Variants in GRB10 observed in about 807,000 individuals in gnomAD.
GRB10 encodes growth factor receptor bound protein 10.
Under a neutral mutation model 80.9 loss-of-function variants are expected in GRB10, and 20 were observed. The observed-to-expected ratio is 0.25, with a 90% confidence interval of 0.17 to 0.36. GRB10 has a LOEUF of 0.36. Ranked by LOEUF, GRB10 falls within the 10% of genes least tolerant of loss-of-function variation. The pLI, the probability that GRB10 is intolerant of heterozygous loss-of-function variation, is 1.00. For synonymous variants in GRB10, 291 were observed against 291.5 expected, an observed-to-expected ratio of 1.00 and a Z score of 0.02; for missense variants, 548 against 747.7, an observed-to-expected ratio of 0.73 and a Z score of 3.12.
At chr7:50,779,741 T>C (rs923169403) in intron 2 of GRB10, 5 of 152,304 alleles carry the variant, frequency 3.3e-5, no homozygotes, top group African/African-American at 9.6e-5. Flanking sequence ...CCACCAGGAC[T>C]ACCTTGACAA....
intron 7 of GRB10, among the ~76,000 whole-genome samples, chr7:50,655,011 A>T (rs2058484948): frequency 6.6e-6 from 1 of 152,214 alleles, no homozygotes; most frequent in Admixed American, 6.5e-5. Flanking sequence ...GATTCAGTCC[A>T]GGACCCAAGC....
At chr7:50,745,285 C>T (rs1238469515) in intron 3 of GRB10, among the ~76,000 whole-genome samples, 1 of 152,034 alleles carries the variant, frequency 6.6e-6, no homozygotes, top group Non-Finnish European at 1.5e-5. Flanking sequence ...ACTTATTGTT[C>T]TCTGATATAT....
intron 10 of GRB10, among the ~76,000 whole-genome samples, chr7:50,616,638 C>A (rs1477185828): frequency 6.6e-6 from 1 of 152,192 alleles, no homozygotes; most frequent in Non-Finnish European, 1.5e-5. Context: ...TGATATCAGA[C>A]TGAGGGCAAG....
intron 7 of GRB10, among the ~76,000 whole-genome samples, chr7:50,662,967 G>T (rs1189472488): frequency 6.6e-6 from 1 of 152,170 alleles, no homozygotes; most frequent in African/African-American, 2.4e-5. Flanking sequence ...TACCAATTTT[G>T]CAAATTCTCT....
intron 2 of GRB10, among the ~76,000 whole-genome samples, chr7:50,756,417 T>G (rs2153703479): frequency 6.6e-6 from 1 of 152,336 alleles, no homozygotes; most frequent in South Asian, 2.1e-4. Flanking sequence ...CGGGCCCAGG[T>G]CAGGGTCCTC....
intron 3 of GRB10, among the ~76,000 whole-genome samples, chr7:50,741,407 T>C (rs1367850670): frequency 1.3e-5 from 2 of 152,148 alleles, no homozygotes; most frequent in African/African-American, 4.8e-5. Flanking sequence ...GAAAAACCTG[T>C]TACATGCTGC....
At chr7:50,594,402 G>A (rs943408914) in intron 18 of GRB10, among the ~76,000 whole-genome samples, 5 of 152,170 alleles carry the variant, frequency 3.3e-5, no homozygotes, top group African/African-American at 4.8e-5. Context: ...GTCACTACAC[G>A]ATTCTTGAGA....
chr7:50,605,277 G>C lies in GRB10; in HGVS notation c.1389+13C>G. 6.3e-7 allele frequency: 1 copy of C among 1,597,938 alleles called. No homozygotes were observed. Among genetic ancestry groups the C allele is most frequent in the South Asian group, 1.1e-5 (1 of 90,852 alleles). On this transcript the variant is annotated intron_variant, in intron 15 of 18. Transcript: ENST00000401949. ...AGGGTGCCCCTCCAGGCTGGCCAGG[G>C]CCGGGGCCTTACCCTCCAGGCGTGG...
chr7:50,668,875 C>T (rs969161732), intron 7 of GRB10, among the ~76,000 whole-genome samples: 3 of 152,220 alleles, frequency 2.0e-5, no homozygotes, highest in Non-Finnish European at 4.4e-5. Flanking sequence ...GCCTCAGTTT[C>T]CTCATATGGG....
At chr7:50,732,435 G>A in intron 3 of GRB10, 67 bp from the exon 4 acceptor site, 2 of 953,218 alleles carry the variant, frequency 2.1e-6, no homozygotes, top group Admixed American at 1.9e-5. Flanking sequence ...ACTTATGGCT[G>A]GTTCAAGTGT....
intron 6 of GRB10, among the ~76,000 whole-genome samples, chr7:50,670,630 T>C (rs1586671981): frequency 6.6e-6 from 1 of 151,978 alleles, no homozygotes; most frequent in Middle Eastern, 3.4e-3. Flanking sequence ...CCTCATCCGT[T>C]TGATCAGTGA....
chr7:50,731,034 G>A (rs2069625307), intron 4 of GRB10, among the ~76,000 whole-genome samples: 1 of 152,094 alleles, frequency 6.6e-6, no homozygotes, highest in Admixed American at 6.5e-5. Context: ...TGTGACCTGT[G>A]GGTGCAGCAC....
At chr7:50,769,028 A>G (rs1312058259) in intron 2 of GRB10, among the ~76,000 whole-genome samples, 1 of 152,168 alleles carries the variant, frequency 6.6e-6, no homozygotes, top group Non-Finnish European at 1.5e-5. Flanking sequence ...TATGCAGGCA[A>G]ATCATTCTGA....
Position 50,760,689 on chromosome 7 carries a change from A to G in GRB10, c.-216-4633T>C, listed in dbSNP as rs372054400. 7.9e-5 allele frequency among the ~76,000 whole-genome samples: 12 copies of G among 152,356 alleles called. No homozygotes were observed. The East Asian group carries it at 1.7e-3, about 22-fold the overall frequency. On this transcript the variant is annotated intron_variant, in intron 2 of 18. Transcript: ENST00000401949. ...AAATACATGCTACTGTTCATCCAGA[A>G]GAGTCAAATCTGCAAATACGAACAT...
At chr7:50,654,819 T>C (rs1045872712) in intron 7 of GRB10, among the ~76,000 whole-genome samples, 17 of 152,158 alleles carry the variant, frequency 1.1e-4, no homozygotes, top group Non-Finnish European at 2.4e-4. Context: ...GATGGCTTTG[T>C]GTATATTTCC....
intron 1 of GRB10, among the ~76,000 whole-genome samples, chr7:50,792,271 C>T (rs372504669): frequency 6.6e-6 from 1 of 151,654 alleles, no homozygotes; most frequent in African/African-American, 2.4e-5. Context: ...AAACTGGGCA[C>T]CAAGTTTGCA....
chr7:50,754,099 C>T (rs187905424), intron 3 of GRB10, among the ~76,000 whole-genome samples: 265 of 152,328 alleles, frequency 1.7e-3, no homozygotes, highest in African/African-American at 5.7e-3. Flanking sequence ...CCCGTGAGCA[C>T]GGCACTCCCT....
At chr7:50,641,205 C>T (rs185982491) in intron 7 of GRB10, among the ~76,000 whole-genome samples, 40 of 151,168 alleles carry the variant, frequency 2.6e-4, no homozygotes, top group Non-Finnish European at 4.4e-4. Context: ...TTCGTCTGTT[C>T]GATGAATGAA....
chr7:50,669,372 G>A (rs2060128716), intron 7 of GRB10, among the ~76,000 whole-genome samples: 1 of 152,154 alleles, frequency 6.6e-6, no homozygotes, highest in Non-Finnish European at 1.5e-5. Flanking sequence ...AGGAGTGGGA[G>A]CAAGGGGAGG....
Sources: allele counts gnomAD v4.1 joint callset (sites outside exome capture counted in the v4.1 genomes callset), GRCh38; gene constraint gnomAD v4.1.1; transcripts MANE v1.5; gene names NCBI Gene and HGNC (gene_info 2026-07-23, HGNC 2026-07-21).